The following SORCS2 variants were observed in gnomAD, a reference collection of about 807,000 sequenced individuals.
SORCS2 encodes the protein VPS10 domain-containing receptor SorCS2.
Under a neutral mutation model 141.6 loss-of-function variants are expected in SORCS2, and 100 were observed. The observed-to-expected ratio is 0.71, with a 90% CI of 0.60 to 0.83. The LOEUF (loss-of-function observed/expected upper bound fraction) is 0.83, where lower values mean the gene tolerates loss of function less well. Among genes scored for constraint, SORCS2 ranks in the 40% least tolerant of loss-of-function variants. SORCS2 has a pLI of 0.00. For missense variants in SORCS2, 1,646 were observed against 1,560.2 expected (o/e 1.05, Z -0.93); for synonymous variants, 789 against 676.9 (o/e 1.17, Z -2.57).
chr4:7,393,654 A>G (rs1320450376), intron 1 of SORCS2, among the ~76,000 whole-genome samples: 1 of 151,692 alleles, frequency 6.6e-6, no homozygotes, highest in Non-Finnish European at 1.5e-5. Context: ...TGGGGGCAGC[A>G]CCTCTTCGGT....
At chr4:7,655,235 C>T (rs1350521132) in intron 5 of SORCS2, among the ~76,000 whole-genome samples, 6 of 135,270 alleles carry the variant, frequency 4.4e-5, no homozygotes, top group African/African-American at 2.1e-4. Flanking sequence ...ACAGTGCTAG[C>T]CTTTCTCTTT....
intron 3 of SORCS2, among the ~76,000 whole-genome samples, chr4:7,574,476 C>T (rs954740234): frequency 2.6e-5 from 4 of 152,162 alleles, no homozygotes; most frequent in African/African-American, 9.7e-5. Flanking sequence ...GATTGCCTGC[C>T]GTTTCAGCTA....
intron 2 of SORCS2, among the ~76,000 whole-genome samples, chr4:7,499,936 C>T (rs1055278407): frequency 3.9e-5 from 6 of 152,224 alleles, no homozygotes; most frequent in East Asian, 1.9e-4. Flanking sequence ...GGGAGGCAGG[C>T]GGCTGGGGAG....
In SORCS2 at chr4:7,446,716, G is replaced by A. The variant is rs187064952; in HGVS notation, c.548+50361G>A. ...CCCTGTTCCTGGCATACAAGGGGGT[G>A]CACCCTAGTTTTAATGCCAGCTGTG... On this transcript the variant is annotated intron_variant, in intron 2 of 26. Coordinates refer to ENST00000507866, the MANE Select transcript of SORCS2 (RefSeq NM_020777.3). Among the ~76,000 whole-genome samples the A allele has an allele frequency of 9.2e-5, 14 of 152,294 alleles. No individual in the cohort carries two copies. The East Asian group carries it at 1.5e-3, about 17-fold the overall frequency.
chr4:7,528,338 T>A (rs1733826893), intron 2 of SORCS2, among the ~76,000 whole-genome samples: 1 of 151,952 alleles, frequency 6.6e-6, no homozygotes, highest in Non-Finnish European at 1.5e-5. Context: ...GTCGTGGATA[T>A]CTGAGGAATT....
Position 7,192,704 on chromosome 4 carries a change from C to G in SORCS2, c.58C>G (p.Pro20Ala), listed in dbSNP as rs1726914732. The change falls in exon 1 of 27, where the codon CCG becomes GCG. Residue 20 changes from proline (P) to alanine (A), a missense_variant. Physicochemically the swap from Pro to Ala is conservative, Grantham distance 27 (BLOSUM62 -1). Coordinates refer to ENST00000507866, the MANE Select transcript of SORCS2 (RefSeq NM_020777.3). This position sits in a 1 kb window ranked among gnomAD's most constrained non-coding sequence, Gnocchi z 4.0. ...GGGCCCCGGCCCCACCGCCCGAGCC[C>G]CGAGCCCCGGGGCTCCGCCGCCGCC... ...SKGPGPTARAPSPGAPPPPRS... is the reference protein window; with the variant it reads ...SKGPGPTARAASPGAPPPPRS... 1 of 989,484 alleles carries G rather than the reference C, an allele frequency of 1.0e-6. No individual in the cohort carries two copies. Among genetic ancestry groups the G allele is most frequent in the Admixed American group, 6.2e-5 (1 of 16,088 alleles). 61.3% of individuals were successfully genotyped at this position (989,484 alleles called of 1,614,324 possible). A position where few individuals can be genotyped will look rare whatever the true frequency, so the allele number is the denominator to read the frequency against.
At chr4:7,386,471 A>G (rs1165813200) in intron 1 of SORCS2, among the ~76,000 whole-genome samples, 2 of 88,334 alleles carry the variant, frequency 2.3e-5, no homozygotes, top group African/African-American at 5.0e-5. Flanking sequence ...ACACACATGC[A>G]CACACATACA....
intron 1 of SORCS2, among the ~76,000 whole-genome samples, chr4:7,292,405 GAGATCT>G (rs1716673840): frequency 6.6e-6 from 1 of 152,266 alleles, no homozygotes; most frequent in African/African-American, 2.4e-5. Context: ...GAGGAACCCA[GAGATCT>G]GATCCGGGCA....
intron 1 of SORCS2, among the ~76,000 whole-genome samples, chr4:7,252,558 A>G (rs182787045): frequency 6.6e-6 from 1 of 152,378 alleles, no homozygotes; most frequent in African/African-American, 2.4e-5. Flanking sequence ...TTTTGAAAAT[A>G]AAGGCTCTAC....
chr4:7,662,090 G>A (rs1722211436), intron 6 of SORCS2, among the ~76,000 whole-genome samples: 1 of 152,268 alleles, frequency 6.6e-6, no homozygotes, highest in Non-Finnish European at 1.5e-5. Flanking sequence ...CGGGGCCCGA[G>A]GCCAGTCACC....
intron 1 of SORCS2, among the ~76,000 whole-genome samples, chr4:7,260,014 G>A (rs762364998): frequency 3.9e-5 from 6 of 152,220 alleles, no homozygotes; most frequent in Non-Finnish European, 5.9e-5. Context: ...CTGCATCTGC[G>A]CTGCTGCTGC....
intron 1 of SORCS2, among the ~76,000 whole-genome samples, chr4:7,239,610 G>T (rs1265220193): frequency 6.6e-6 from 1 of 152,158 alleles, no homozygotes; most frequent in Non-Finnish European, 1.5e-5. Context: ...TGCTAAAACA[G>T]CCCCTGGGGA....
chr4:7,327,809 C>T (rs992046525), intron 1 of SORCS2, among the ~76,000 whole-genome samples: 5 of 152,096 alleles, frequency 3.3e-5, no homozygotes, highest in Non-Finnish European at 5.9e-5. Flanking sequence ...GACCGCCCCC[C>T]CCAACCCCGC....
chr4:7,575,350 A>G (rs80195598), intron 3 of SORCS2, among the ~76,000 whole-genome samples: 9,957 of 152,346 alleles, frequency 0.065, 480 homozygotes, highest in Non-Finnish European at 0.1. Flanking sequence ...CATGTCAACA[A>G]ATAATTAATG....
intron 3 of SORCS2, among the ~76,000 whole-genome samples, chr4:7,634,942 C>A (rs1421495031): frequency 6.6e-6 from 1 of 152,206 alleles, no homozygotes; most frequent in Non-Finnish European, 1.5e-5. Context: ...GCCTGGCCAG[C>A]CCTCAGAGCT....
At chr4:7,702,875 G>A (rs565153715) in intron 12 of SORCS2, among the ~76,000 whole-genome samples, 1 of 152,238 alleles carries the variant, frequency 6.6e-6, no homozygotes, top group Non-Finnish European at 1.5e-5. Context: ...GGAGGAAATG[G>A]CACTTGAGCT....
chr4:7,689,380 C>A, intron 10 of SORCS2, 106 bp from the exon 11 acceptor site: 2 of 1,047,056 alleles, frequency 1.9e-6, no homozygotes, highest in Non-Finnish European at 2.8e-6. Context: ...CCTGGCCCAG[C>A]CTTCTCTCCC....
chr4:7,602,481 C>T (rs548588299), intron 3 of SORCS2, among the ~76,000 whole-genome samples: 17 of 144,246 alleles, frequency 1.2e-4, no homozygotes, highest in African/African-American at 2.6e-4. Context: ...CCAGACGGGG[C>T]GGCGGGGCAG....
chr4:7,388,743 G>C (rs1040069613), intron 1 of SORCS2, among the ~76,000 whole-genome samples: 1 of 152,152 alleles, frequency 6.6e-6, no homozygotes, highest in Non-Finnish European at 1.5e-5. Context: ...GTAAGAGTGG[G>C]CACGGGAGAT....
Sources: allele counts gnomAD v4.1 joint callset (sites outside exome capture counted in the v4.1 genomes callset), GRCh38; gene constraint gnomAD v4.1.1; non-coding constraint Gnocchi (gnomAD v3.1); transcripts MANE v1.5; gene names NCBI Gene and HGNC (gene_info 2026-07-23, HGNC 2026-07-21).